PTPRG: variants seen among roughly 807,000 people sequenced by gnomAD.
PTPRG encodes the protein protein tyrosine phosphatase receptor type G, also known as receptor-type tyrosine-protein phosphatase gamma.
PTPRG carries 102 observed loss-of-function variants against 165.3 expected under a neutral mutation model. The observed-to-expected ratio is 0.62, with a 90% CI of 0.53 to 0.73. PTPRG has a LOEUF of 0.73. PTPRG is among the 30% of genes least tolerant of loss of function. The probability of loss-of-function intolerance (pLI) is 0.00; values close to 1 mark genes in which losing one functional copy is unlikely to be tolerated. For missense variants in PTPRG, 1,866 were observed against 1,861.4 expected (o/e 1.00, Z -0.05); for synonymous variants, 675 against 669.5 (o/e 1.01, Z -0.13).
At position 62,282,820 on chromosome 3, in the gene PTPRG, A is replaced by G. The variant is rs1702503167; in HGVS notation, c.4006A>G (p.Ile1336Val). Residue 1336 changes from isoleucine (I) to valine (V), a missense_variant, in exon 28 of 30, where the codon ATC becomes GTC. By Grantham distance (29) the Ile-to-Val change is conservative. Around this residue, in one of 3 missense-constraint regions of PTPRG, gnomAD observed 1,452 missense variants for 1,463.0 expected, o/e 0.99. Coordinates refer to ENST00000474889, the MANE Select transcript of PTPRG (RefSeq NM_002841.4). ...TAGTACCTTTGAACTTATCAACGTC[A>G]TCAAGGAAGAGGCCTTAACAAGGGA... ...ISSTFELINV[I>V]KEEALTRDGP... 2 of 1,612,028 alleles carry G rather than the reference A, an allele frequency of 1.2e-6. No individual in the cohort carries two copies. Among genetic ancestry groups the G allele is most frequent in the Non-Finnish European group, 1.7e-6 (2 of 1,178,652 alleles).
chr3:62,052,257 G>A (rs1700491450), intron 4 of PTPRG, among the ~76,000 whole-genome samples: 1 of 151,854 alleles, frequency 6.6e-6, no homozygotes, highest in Non-Finnish European at 1.5e-5. Context: ...TTCTTCTTTT[G>A]TGATTGTTTT....
chr3:62,290,847 C>A (rs1357614638), intron 28 of PTPRG, among the ~76,000 whole-genome samples: 1 of 151,998 alleles, frequency 6.6e-6, no homozygotes, highest in Non-Finnish European at 1.5e-5. Flanking sequence ...CTTTAAAATA[C>A]AAGGTTAGAG....
intron 4 of PTPRG, among the ~76,000 whole-genome samples, chr3:62,027,079 A>T (rs2041822126): frequency 6.6e-6 from 1 of 151,660 alleles, no homozygotes; most frequent in Admixed American, 6.6e-5. Context: ...CTCTGTTTAA[A>T]TTCTCTCCCC....
chr3:62,109,617 G>T (rs1485784073), intron 5 of PTPRG, among the ~76,000 whole-genome samples: 4 of 152,056 alleles, frequency 2.6e-5, no homozygotes, highest in Non-Finnish European at 5.9e-5. Flanking sequence ...TGTGCCTGTA[G>T]AGGACACTGG....
At chr3:62,280,344 TATACAA>T (rs931832898) in intron 26 of PTPRG, among the ~76,000 whole-genome samples, 1 of 152,004 alleles carries the variant, frequency 6.6e-6, no homozygotes, top group African/African-American at 2.4e-5. Flanking sequence ...TCAGGGTTAA[TATACAA>T]AATTTGTACA....
chr3:61,575,234 A>T (rs1339649615), intron 1 of PTPRG, among the ~76,000 whole-genome samples: 1 of 152,080 alleles, frequency 6.6e-6, no homozygotes, highest in African/African-American at 2.4e-5. Context: ...GTGGAGGTAA[A>T]ATTGATTTCT....
In PTPRG at chr3:62,254,894, C is replaced by CT. The variant is rs894523774; in HGVS notation, c.2468-223dup. Among the ~76,000 whole-genome samples the CT allele has an allele frequency of 6.6e-6, 1 of 151,834 alleles. No homozygotes were observed. Among genetic ancestry groups the CT allele is most frequent in the Middle Eastern group, 3.2e-3 (1 of 316 alleles). On this transcript the variant is annotated intron_variant, in intron 15 of 29. Coordinates refer to ENST00000474889, the MANE Select transcript of PTPRG (RefSeq NM_002841.4). The surrounding 1 kb of genome is among the most constrained non-coding windows in gnomAD (Gnocchi z 4.6). ...AAAATAAGGGGAATTCTCTATGTAC[C>CT]TTTTTTTAAAAACCATATTTAACCT...
intron 17 of PTPRG, 107 bp downstream of exon 17, chr3:62,263,001 A>T (rs1701746098): frequency 1.3e-6 from 1 of 790,946 alleles, no homozygotes; most frequent in African/African-American, 1.7e-5. Context: ...AGAAAGAATG[A>T]TTCTTGCAAG....
chr3:62,221,699 C>T (rs887386276), intron 13 of PTPRG, among the ~76,000 whole-genome samples: 1 of 152,200 alleles, frequency 6.6e-6, no homozygotes. Context: ...ATCATTTCTT[C>T]AGGAGGCAGG....
chr3:62,174,947 A>C (rs1327413245), intron 8 of PTPRG, among the ~76,000 whole-genome samples: 1 of 152,192 alleles, frequency 6.6e-6, no homozygotes, highest in African/African-American at 2.4e-5. Flanking sequence ...TCTTTCAAAA[A>C]TAACTTTGAT....
rs1179471240 is a variant in PTPRG at position 62,245,931 on chromosome 3, C to A, written c.2467+2033C>A. 6.6e-6 allele frequency among the ~76,000 whole-genome samples: 1 copy of A among 152,044 alleles called. No homozygotes were observed. The highest frequency in any genetic ancestry group is 2.4e-5 in the African/African-American group (1 of 41,412). On this transcript the variant is annotated intron_variant, in intron 15 of 29. Transcript: ENST00000474889. This position sits in a 1 kb window ranked among gnomAD's most constrained non-coding sequence, Gnocchi z 4.2. Reference sequence around the variant, plus strand: ...AATTCACTAGGATCCTCTGAATATGCCTTGCAACACCTTTGAGTAGGTATA... The same window carrying A: ...AATTCACTAGGATCCTCTGAATATGACTTGCAACACCTTTGAGTAGGTATA...
At chr3:61,713,866 A>AT (rs2031687068) in intron 1 of PTPRG, among the ~76,000 whole-genome samples, 1 of 152,204 alleles carries the variant, frequency 6.6e-6, no homozygotes, top group Admixed American at 6.5e-5. Context: ...CATTGTGCTA[A>AT]TTGCATGGGT....
intron 4 of PTPRG, among the ~76,000 whole-genome samples, chr3:62,066,536 T>G (rs143676286): frequency 0.011 from 1,660 of 152,314 alleles, 16 homozygotes; most frequent in Non-Finnish European, 0.018. Flanking sequence ...GGTAGTGATT[T>G]TTGTGTTTTT....
intron 2 of PTPRG, among the ~76,000 whole-genome samples, chr3:61,842,695 A>AAAG (rs1357007745): frequency 6.7e-6 from 1 of 150,156 alleles, no homozygotes; most frequent in Admixed American, 6.6e-5. Context: ...AAAAAAAAAA[A>AAAG]AAAAAAAAGA....
intron 4 of PTPRG, among the ~76,000 whole-genome samples, chr3:62,049,175 C>G (rs1700393272): frequency 6.6e-6 from 1 of 151,864 alleles, no homozygotes; most frequent in Non-Finnish European, 1.5e-5. Flanking sequence ...TCTTTTGTAT[C>G]CTTCAGCTGA....
chr3:61,763,418 A>G (rs2033916816), intron 2 of PTPRG, among the ~76,000 whole-genome samples: 1 of 151,840 alleles, frequency 6.6e-6, no homozygotes, highest in Admixed American at 6.6e-5. Context: ...TTGTATTTTT[A>G]GTAGAGACGG....
At chr3:62,292,598 T>G (rs1559776302) in intron 29 of PTPRG, 42 bp downstream of exon 29, 1 of 1,596,414 alleles carries the variant, frequency 6.3e-7, no homozygotes, top group African/African-American at 1.3e-5. Flanking sequence ...CTACATCAGT[T>G]GAAACTCAGA....
chr3:61,835,052 A>G (rs1441817417), intron 2 of PTPRG, among the ~76,000 whole-genome samples: 1 of 152,198 alleles, frequency 6.6e-6, no homozygotes, highest in African/African-American at 2.4e-5. Context: ...ATATAGAAAT[A>G]AAGTCCAAAT....
intron 2 of PTPRG, among the ~76,000 whole-genome samples, chr3:61,926,355 T>A (rs914915193): frequency 1.3e-5 from 2 of 152,042 alleles, no homozygotes; most frequent in Non-Finnish European, 2.9e-5. Context: ...GAGATCCAGT[T>A]GTCTAAAAGT....
Sources: gnomAD v4.1 joint callset for allele counts (sites outside exome capture counted in the v4.1 genomes callset) on GRCh38, gnomAD v4.1.1 for gene constraint, gnomAD v4.1.1 regional missense constraint, Gnocchi (gnomAD v3.1) non-coding constraint, MANE v1.5 for transcripts, NCBI Gene and HGNC (gene_info 2026-07-23, HGNC 2026-07-21) for gene names.